Variants in NBEA observed in about 807,000 individuals in gnomAD.
The protein encoded by NBEA is lysosomal-trafficking regulator 2.
Under a neutral mutation model 343.4 loss-of-function variants are expected in NBEA, and 44 were observed. The ratio of observed to expected loss-of-function variants is 0.13; its 90% CI spans 0.10 to 0.16. The LOEUF (loss-of-function observed/expected upper bound fraction) is 0.16. NBEA is among the 10% of genes least tolerant of loss of function. The pLI is 1.00. For missense variants in NBEA, 2,555 were observed against 3,631.3 expected, an observed-to-expected ratio of 0.70 and a Z score of 7.62; for synonymous variants, 1,175 against 1,238.7, an observed-to-expected ratio of 0.95 and a Z score of 1.08.
chr13:35,443,133 T>C (rs1037147621), intron 39 of NBEA, among the ~76,000 whole-genome samples: 3 of 152,094 alleles, frequency 2.0e-5, no homozygotes, highest in African/African-American at 7.2e-5. Context: ...AATTCCCAGA[T>C]TGCTAATGCT....
chr13:35,243,468 T>C (rs1215449806), intron 34 of NBEA, among the ~76,000 whole-genome samples: 1 of 151,876 alleles, frequency 6.6e-6, no homozygotes. Flanking sequence ...AGACATAGAT[T>C]AGCTGAATGG....
chr13:35,050,496 G>A (rs2063028244), intron 6 of NBEA, 101 bp downstream of exon 6: 16 of 1,214,526 alleles, frequency 1.3e-5, no homozygotes, highest in Non-Finnish European at 1.7e-5. Flanking sequence ...GTTTTCCTAT[G>A]CTTTTAATTG....
intron 48 of NBEA, among the ~76,000 whole-genome samples, chr13:35,618,395 ATG>A (rs1158446434): frequency 6.6e-6 from 1 of 152,246 alleles, no homozygotes; most frequent in East Asian, 1.9e-4. Flanking sequence ...CAGACTTTAC[ATG>A]TCTACAACCT....
At chr13:35,499,088 T>C (rs959919192) in intron 41 of NBEA, among the ~76,000 whole-genome samples, 6 of 152,154 alleles carry the variant, frequency 3.9e-5, no homozygotes, top group African/African-American at 1.2e-4. Context: ...TTGGGTTTTC[T>C]TTTTCTAAAT....
At chr13:35,575,552 G>A (rs1447443951) in intron 45 of NBEA, among the ~76,000 whole-genome samples, 2 of 152,030 alleles carry the variant, frequency 1.3e-5, no homozygotes, top group African/African-American at 4.8e-5. Context: ...ATACCTACAT[G>A]TTATAATTAT....
rs144413910 is a variant in NBEA at position 35,124,350 on chromosome 13, G to A, written c.2336+776G>A. Among the ~76,000 whole-genome samples the A allele has an allele frequency of 4.0e-3, 599 of 149,834 alleles. 3 individuals are homozygous for A. The highest frequency in any genetic ancestry group is 0.014 in the African/African-American group (579 of 40,828). ...AATTCAGACAAGACATGTCTAACAA[G>A]CTGTATAGCCTAGAAGTTTAAATAT... On this transcript the variant is annotated intron_variant, in intron 17 of 58. Coordinates refer to ENST00000379939, the MANE Select transcript of NBEA (RefSeq NM_001385012.1).
At chr13:35,410,979 T>C (rs2043549957) in intron 38 of NBEA, among the ~76,000 whole-genome samples, 1 of 152,202 alleles carries the variant, frequency 6.6e-6, no homozygotes, top group South Asian at 2.1e-4. Flanking sequence ...TATCGTTCTT[T>C]GGTTCTCCAG....
chr13:35,141,550 C>G (rs2068095298), intron 17 of NBEA, among the ~76,000 whole-genome samples: 1 of 152,178 alleles, frequency 6.6e-6, no homozygotes, highest in South Asian at 2.1e-4. Context: ...CAGGCGTGAA[C>G]CACTGTTCCC....
chr13:35,389,740 G>C, intron 38 of NBEA, among the ~76,000 whole-genome samples: 1 of 152,012 alleles, frequency 6.6e-6, no homozygotes, highest in Admixed American at 6.6e-5. Context: ...TAGAATCCTT[G>C]TAATGGAACC....
At chr13:35,056,509 A>G (rs1175265007) in intron 7 of NBEA, among the ~76,000 whole-genome samples, 1 of 152,152 alleles carries the variant, frequency 6.6e-6, no homozygotes, top group African/African-American at 2.4e-5. Context: ...AATGCTATGG[A>G]GAAAATAAAT....
chr13:35,362,346 G>A (rs1006319480), intron 38 of NBEA, among the ~76,000 whole-genome samples: 1 of 151,864 alleles, frequency 6.6e-6, no homozygotes, highest in South Asian at 2.1e-4. Context: ...TTATATATGT[G>A]TGTGTATGTG....
At chr13:35,554,405 A>C (rs575785534) in intron 43 of NBEA, among the ~76,000 whole-genome samples, 2 of 152,332 alleles carry the variant, frequency 1.3e-5, no homozygotes, top group South Asian at 4.1e-4. Flanking sequence ...AATTTGGACC[A>C]ATGATCATGG....
chr13:35,465,005 G>T (rs967338115), intron 40 of NBEA, among the ~76,000 whole-genome samples: 96 of 152,166 alleles, frequency 6.3e-4, no homozygotes, highest in African/African-American at 2.3e-3. Flanking sequence ...AAATACGATA[G>T]TCATAAAATT....
chr13:35,313,254 A>C (rs993257455), intron 36 of NBEA, among the ~76,000 whole-genome samples: 1 of 152,214 alleles, frequency 6.6e-6, no homozygotes, highest in Non-Finnish European at 1.5e-5. Context: ...CTTGTAACAC[A>C]TAATAACATC....
chr13:35,593,881 G>T (rs970633444), intron 47 of NBEA, among the ~76,000 whole-genome samples: 1 of 152,050 alleles, frequency 6.6e-6, no homozygotes, highest in Non-Finnish European at 1.5e-5. Context: ...CATTTAAAAT[G>T]TAGGCTTTTC....
At chr13:35,411,845 C>G (rs963452955) in intron 38 of NBEA, among the ~76,000 whole-genome samples, 1 of 151,980 alleles carries the variant, frequency 6.6e-6, no homozygotes, top group Non-Finnish European at 1.5e-5. Context: ...AGAAGGGGGA[C>G]AATACAAGTT....
chr13:35,330,015 T>C (rs1447655918), intron 36 of NBEA, among the ~76,000 whole-genome samples: 1 of 152,034 alleles, frequency 6.6e-6, no homozygotes, highest in Non-Finnish European at 1.5e-5. Flanking sequence ...CAGTAAATTA[T>C]TGTTCAGTAG....
chr13:35,596,931 C>T (rs1350702323), intron 47 of NBEA, among the ~76,000 whole-genome samples: 1 of 151,900 alleles, frequency 6.6e-6, no homozygotes, highest in Non-Finnish European at 1.5e-5. Flanking sequence ...GAGATGGCAG[C>T]TTTAAAACCT....
At chr13:35,290,245 G>A (rs2035716817) in intron 34 of NBEA, 144 bp from the exon 35 acceptor site, 3 of 547,184 alleles carry the variant, frequency 5.5e-6, no homozygotes, top group South Asian at 4.8e-5. Context: ...ATGTATGCTA[G>A]GTGAACATTT....
Sources: allele counts gnomAD v4.1 joint callset (sites outside exome capture counted in the v4.1 genomes callset), GRCh38; gene constraint gnomAD v4.1.1; transcripts MANE v1.5; gene names NCBI Gene and HGNC (gene_info 2026-07-23, HGNC 2026-07-21).